Variants in RAB3C observed in about 807,000 individuals in gnomAD.
RAB3C encodes the protein RAB3C, member RAS oncogene family.
A neutral mutation model predicts 26.4 loss-of-function variants in RAB3C; 17 were observed. That is an observed-to-expected ratio of 0.64 (90% CI 0.44 to 0.97). The LOEUF (loss-of-function observed/expected upper bound fraction) is 0.97. RAB3C is among the 50% of genes least tolerant of loss of function. The pLI is 0.00. For synonymous variants in RAB3C, 91 were observed against 95.9 expected (o/e 0.95, Z 0.30); for missense variants, 242 against 281.9 (o/e 0.86, Z 1.01).
At chr5:58,805,082 C>G (rs1355439355) in intron 3 of RAB3C, among the ~76,000 whole-genome samples, 3 of 151,778 alleles carry the variant, frequency 2.0e-5, no homozygotes, top group African/African-American at 4.8e-5. Flanking sequence ...TCATTTTCAC[C>G]AAAGTGTACT....
At chr5:58,723,670 A>C (rs1740821970) in intron 2 of RAB3C, among the ~76,000 whole-genome samples, 1 of 151,768 alleles carries the variant, frequency 6.6e-6, no homozygotes, top group African/African-American at 2.4e-5. Context: ...CCCAATAGTG[A>C]CCTTATGAGA....
At position 58,620,446 on chromosome 5, in the gene RAB3C, G is replaced by C. The variant is rs376966847; in HGVS notation, c.252+2576G>C. 1.1e-4 allele frequency among the ~76,000 whole-genome samples: 17 copies of C among 152,254 alleles called. No homozygotes were observed. The East Asian group carries it at 3.1e-3, about 28-fold the overall frequency. ...ACAATACAAAGATTTTGTGCTTATG[G>C]AACTTGTAGTATAGTTAGAAAAGGA... On this transcript the variant is annotated intron_variant, in intron 2 of 4. Coordinates refer to ENST00000282878, the MANE Select transcript of RAB3C (RefSeq NM_138453.4).
intron 2 of RAB3C, among the ~76,000 whole-genome samples, chr5:58,711,163 T>C (rs148989515): frequency 3.3e-5 from 5 of 152,334 alleles, no homozygotes; most frequent in Non-Finnish European, 4.4e-5. Context: ...AAGGAGAGCA[T>C]GTGAATTCTG....
chr5:58,614,358 T>G (rs1746778906), intron 1 of RAB3C, among the ~76,000 whole-genome samples: 2 of 152,192 alleles, frequency 1.3e-5, no homozygotes, highest in East Asian at 3.9e-4. Context: ...TCTTTCTTCA[T>G]CCTCTGAGCT....
chr5:58,721,864 T>TG (rs1156228685), intron 2 of RAB3C, among the ~76,000 whole-genome samples: 4 of 151,848 alleles, frequency 2.6e-5, no homozygotes, highest in African/African-American at 9.7e-5. Flanking sequence ...ATTGTATTTC[T>TG]GGGTTCAAAT....
intron 3 of RAB3C, among the ~76,000 whole-genome samples, chr5:58,791,418 G>A (rs1168595413): frequency 1.3e-5 from 2 of 152,200 alleles, no homozygotes; most frequent in Admixed American, 6.5e-5. Flanking sequence ...TGTTGGGCTG[G>A]ACAAAGTAAG....
At chr5:58,703,318 G>A (rs183458640) in intron 2 of RAB3C, among the ~76,000 whole-genome samples, 2 of 152,180 alleles carry the variant, frequency 1.3e-5, no homozygotes, top group East Asian at 1.9e-4. Context: ...AAGTAGCTGG[G>A]ATTACAGGCA....
chr5:58,758,118 T>C (rs1192649251), intron 3 of RAB3C, among the ~76,000 whole-genome samples: 1 of 151,738 alleles, frequency 6.6e-6, no homozygotes, highest in Non-Finnish European at 1.5e-5. Context: ...ATTTTTTGTA[T>C]TTTTTTTAGT....
intron 1 of RAB3C, among the ~76,000 whole-genome samples, chr5:58,605,830 G>A (rs1035724085): frequency 7.9e-5 from 12 of 152,244 alleles, no homozygotes; most frequent in East Asian, 5.8e-4. Flanking sequence ...GCTTACACCC[G>A]GGAGGTAGAG....
At chr5:58,677,407 CTAGA>C (rs1748251392) in intron 2 of RAB3C, among the ~76,000 whole-genome samples, 1 of 152,120 alleles carries the variant, frequency 6.6e-6, no homozygotes, top group Admixed American at 6.6e-5. Flanking sequence ...AGCTAGCTAA[CTAGA>C]TAGATAATTT....
At chr5:58,616,586 T>C (rs1746829645) in intron 1 of RAB3C, among the ~76,000 whole-genome samples, 1 of 152,208 alleles carries the variant, frequency 6.6e-6, no homozygotes, top group African/African-American at 2.4e-5. Context: ...TTGTAATTGA[T>C]TGTAGAGACC....
rs3835173 is a variant in RAB3C, at chr5:58,854,036, A to AACACACACACACACACACACAC, written c.*2702_*2723dup. On this transcript the variant is annotated 3_prime_UTR_variant, in exon 5 of 5. Coordinates refer to ENST00000282878, the MANE Select transcript of RAB3C (RefSeq NM_138453.4). Reference sequence around the variant, plus strand: ...TCCAAGGTTTTTCAGCCTTTTGGCCAACACACACACACACACACACACACA... The same window carrying AACACACACACACACACACACAC: ...TCCAAGGTTTTTCAGCCTTTTGGCCAACACACACACACACACACACACACACACACACACACACACACACACA... The AACACACACACACACACACACAC allele has an allele frequency of 2.8e-5, 4 of 142,526 alleles. No individual in the cohort carries two copies. The highest frequency in any genetic ancestry group is 2.4e-4 in the South Asian group (1 of 4,240). 8.8% of individuals were successfully genotyped at this position (142,526 alleles called of 1,614,324 possible).
intron 2 of RAB3C, among the ~76,000 whole-genome samples, chr5:58,675,321 C>T (rs761030802): frequency 1.4e-4 from 22 of 152,094 alleles, no homozygotes; most frequent in Admixed American, 1.4e-3. Context: ...ATTTTCTTCA[C>T]CTCTATCAAT....
intron 2 of RAB3C, among the ~76,000 whole-genome samples, chr5:58,715,753 T>C (rs1350529141): frequency 6.6e-6 from 1 of 151,824 alleles, no homozygotes; most frequent in Non-Finnish European, 1.5e-5. Context: ...TACAAGACGA[T>C]GAGAGAGAAT....
intron 2 of RAB3C, among the ~76,000 whole-genome samples, chr5:58,711,224 G>C: frequency 6.6e-6 from 1 of 152,130 alleles, no homozygotes; most frequent in East Asian, 1.9e-4. Flanking sequence ...CCTGGGAGTG[G>C]GATGAGCAAG....
intron 3 of RAB3C, among the ~76,000 whole-genome samples, chr5:58,761,202 T>C (rs948991719): frequency 6.6e-6 from 1 of 152,178 alleles, no homozygotes; most frequent in African/African-American, 2.4e-5. Context: ...TTCAGTCTTT[T>C]GTATTGATTG....
At chr5:58,731,602 A>G (rs768646353) in intron 3 of RAB3C, among the ~76,000 whole-genome samples, 1 of 152,134 alleles carries the variant, frequency 6.6e-6, no homozygotes, top group Non-Finnish European at 1.5e-5. Context: ...GAGAACAAAC[A>G]TGGAGGGTGT....
At chr5:58,718,825 G>T (rs1010487722) in intron 2 of RAB3C, among the ~76,000 whole-genome samples, 2 of 152,000 alleles carry the variant, frequency 1.3e-5, no homozygotes, top group Admixed American at 6.6e-5. Flanking sequence ...GGGAAAAGTG[G>T]TTTGTAAATT....
chr5:58,724,876 A>G (rs921986114), intron 2 of RAB3C, among the ~76,000 whole-genome samples: 2 of 151,544 alleles, frequency 1.3e-5, no homozygotes, highest in Non-Finnish European at 2.9e-5. Context: ...ATTACAATTT[A>G]CATATATTTA....
Sources: gnomAD v4.1 joint callset for allele counts (sites outside exome capture counted in the v4.1 genomes callset) on GRCh38, gnomAD v4.1.1 for gene constraint, MANE v1.5 for transcripts, NCBI Gene and HGNC (gene_info 2026-07-23, HGNC 2026-07-21) for gene names.